Variants in CORO2B observed in about 807,000 individuals in gnomAD.
CORO2B encodes coronin 2B.
CORO2B carries 26 observed loss-of-function variants against 58.8 expected under a neutral mutation model. The ratio of observed to expected loss-of-function variants is 0.44; its 90% CI spans 0.32 to 0.61. CORO2B has a LOEUF of 0.61. CORO2B is among the 20% of genes least tolerant of loss of function. CORO2B has a pLI of 0.04. For missense variants in CORO2B, 460 were observed against 645.1 expected (o/e 0.71, Z 3.11); for synonymous variants, 242 against 253.8 (o/e 0.95, Z 0.44).
the CORO2B span, among the ~76,000 whole-genome samples, chr15:68,523,726 C>A: frequency 3.9e-5 from 6 of 152,268 alleles, no homozygotes; most frequent in African/African-American, 1.4e-4. Flanking sequence ...TCTGCTCTAT[C>A]AGATAGCCTA....
intron 11 of CORO2B, among the ~76,000 whole-genome samples, chr15:68,725,430 AATACATCTATTATGTATTATT>A (rs1406093495): frequency 7.9e-5 from 12 of 152,134 alleles, no homozygotes; most frequent in Middle Eastern, 3.4e-3. Flanking sequence ...TACATGTAAT[AATACATCTATTATGTATTATT>A]ATACATCTAT....
chr15:68,600,384 C>G (rs1899951231), intron 1 of CORO2B, among the ~76,000 whole-genome samples: 1 of 152,148 alleles, frequency 6.6e-6, no homozygotes, highest in South Asian at 2.1e-4. Context: ...GCACAATCTG[C>G]CAAGGAGTGG....
At chr15:68,600,837 C>T (rs1249660061) in intron 1 of CORO2B, among the ~76,000 whole-genome samples, 1 of 152,206 alleles carries the variant, frequency 6.6e-6, no homozygotes, top group African/African-American at 2.4e-5. Context: ...CACGGGGAGA[C>T]AAGAAGCGTG....
intron 2 of CORO2B, among the ~76,000 whole-genome samples, chr15:68,682,534 C>T (rs940413835): frequency 5.9e-5 from 9 of 152,178 alleles, no homozygotes; most frequent in African/African-American, 7.2e-5. Context: ...GATTGACATT[C>T]TCTGATCGAC....
chr15:68,641,686 C>A, intron 1 of CORO2B: 1 of 666,600 alleles, frequency 1.5e-6, no homozygotes, highest in Non-Finnish European at 1.9e-6. Flanking sequence ...TGGCTCCTCC[C>A]AAGCCCTTGG....
chr15:68,707,439 G>C (rs752298448), intron 3 of CORO2B, among the ~76,000 whole-genome samples: 32 of 152,174 alleles, frequency 2.1e-4, no homozygotes, highest in Non-Finnish European at 4.3e-4. Context: ...GAGCATGTTT[G>C]TCATAGAATA....
At chr15:68,637,304 C>G (rs1396890413) in intron 1 of CORO2B, among the ~76,000 whole-genome samples, 1 of 152,176 alleles carries the variant, frequency 6.6e-6, no homozygotes, top group Non-Finnish European at 1.5e-5. Flanking sequence ...GCGAGCCCCT[C>G]GGGACTGTAG....
chr15:68,625,615 G>T (rs1900655229), intron 1 of CORO2B, among the ~76,000 whole-genome samples: 1 of 151,982 alleles, frequency 6.6e-6, no homozygotes, highest in South Asian at 2.1e-4. Flanking sequence ...CTTGTTTTGG[G>T]TTTTTTTGAG....
intron 1 of CORO2B, among the ~76,000 whole-genome samples, chr15:68,603,217 G>A (rs1310454753): frequency 6.6e-6 from 1 of 152,182 alleles, no homozygotes; most frequent in Non-Finnish European, 1.5e-5. Flanking sequence ...ACAGTACGTG[G>A]TCGCAGTAGG....
chr15:68,635,746 T>C (rs886469332), intron 1 of CORO2B, among the ~76,000 whole-genome samples: 2 of 152,222 alleles, frequency 1.3e-5, no homozygotes, highest in African/African-American at 2.4e-5. Flanking sequence ...AGAGTGAATA[T>C]TGTGGGATCT....
intron 1 of CORO2B, among the ~76,000 whole-genome samples, chr15:68,602,798 C>G (rs953504657): frequency 6.6e-6 from 1 of 152,220 alleles, no homozygotes; most frequent in South Asian, 2.1e-4. Flanking sequence ...CACTAAGAAG[C>G]AATTCCTCTC....
At chr15:68,667,194 A>C (rs921130509) in intron 2 of CORO2B, among the ~76,000 whole-genome samples, 2 of 150,660 alleles carry the variant, frequency 1.3e-5, no homozygotes, top group African/African-American at 4.9e-5. Flanking sequence ...CCCCTTCCTG[A>C]CTCACCTGCC....
chr15:68,578,740 G>T (rs897328889), upstream of CORO2B, among the ~76,000 whole-genome samples: 3 of 152,074 alleles, frequency 2.0e-5, no homozygotes, highest in Non-Finnish European at 4.4e-5. The surrounding 1 kb of genome is among the most constrained non-coding windows in gnomAD (Gnocchi z 4.2). Flanking sequence ...GCCGGCAGGT[G>T]CCGGGAGCCA....
intron 11 of CORO2B, among the ~76,000 whole-genome samples, chr15:68,722,735 A>ACT (rs1263948612): frequency 2.6e-5 from 4 of 152,238 alleles, no homozygotes; most frequent in Admixed American, 6.5e-5. Flanking sequence ...AGTTAACAAA[A>ACT]AATATTTTTT....
chr15:68,713,254 G>C (rs890600048), intron 5 of CORO2B, among the ~76,000 whole-genome samples: 1 of 152,134 alleles, frequency 6.6e-6, no homozygotes, highest in East Asian at 1.9e-4. Context: ...GATTTCTTCC[G>C]ATAGATATTG....
chr15:68,574,691 T>C (rs572598953), upstream of CORO2B, among the ~76,000 whole-genome samples: 1 of 152,306 alleles, frequency 6.6e-6, no homozygotes, highest in South Asian at 2.1e-4. Flanking sequence ...GTCAGCCTTG[T>C]GATTTTAAAA....
the CORO2B span, among the ~76,000 whole-genome samples, chr15:68,570,592 A>G: frequency 6.6e-5 from 10 of 152,272 alleles, no homozygotes; most frequent in Non-Finnish European, 1.5e-4. Flanking sequence ...AACCCCAAAT[A>G]CGAAAGTTGA....
chr15:68,572,367 C>T, the CORO2B span, among the ~76,000 whole-genome samples: 1 of 152,152 alleles, frequency 6.6e-6, no homozygotes, highest in African/African-American at 2.4e-5. Flanking sequence ...TGCTTTTGCT[C>T]CCTGCCATGC....
chr15:68,560,702 T>C, the CORO2B span, among the ~76,000 whole-genome samples: 1 of 152,194 alleles, frequency 6.6e-6, no homozygotes, highest in Non-Finnish European at 1.5e-5. Context: ...TCCTCTCTGC[T>C]CCTTGCTGGT....
Sources: allele counts gnomAD v4.1 joint callset (sites outside exome capture counted in the v4.1 genomes callset), GRCh38; gene constraint gnomAD v4.1.1; non-coding constraint Gnocchi (gnomAD v3.1); transcripts MANE v1.5; gene names NCBI Gene and HGNC (gene_info 2026-07-23, HGNC 2026-07-21).